Variants in PAM observed in about 807,000 individuals in gnomAD.
The protein encoded by PAM is peptidyl-glycine alpha-amidating monooxygenase.
Under a neutral mutation model 122.1 loss-of-function variants are expected in PAM, and 72 were observed. The observed-to-expected ratio is 0.59, with a 90% CI of 0.49 to 0.72. The LOEUF is 0.72. Ranked by LOEUF, PAM falls within the 30% of genes least tolerant of loss-of-function variation. The pLI is 0.00. For missense variants in PAM, 1,106 were observed against 1,183.7 expected, an observed-to-expected ratio of 0.93 and a Z score of 0.96; for synonymous variants, 389 against 404.4, an observed-to-expected ratio of 0.96 and a Z score of 0.46.
At chr5:102,931,810 C>T (rs1391534048) in intron 7 of PAM, among the ~76,000 whole-genome samples, 2 of 145,286 alleles carry the variant, frequency 1.4e-5, no homozygotes, top group African/African-American at 5.0e-5. Flanking sequence ...ACAACACACT[C>T]TCTCTCTCTC....
At chr5:103,019,040 C>T (rs946840654) in intron 22 of PAM, among the ~76,000 whole-genome samples, 4 of 152,160 alleles carry the variant, frequency 2.6e-5, no homozygotes, top group South Asian at 2.1e-4. Context: ...TCCTGCTGTG[C>T]GTTCCAGTTC....
At chr5:102,887,569 A>G (rs1793530802) in intron 3 of PAM, among the ~76,000 whole-genome samples, 1 of 152,022 alleles carries the variant, frequency 6.6e-6, no homozygotes, top group Non-Finnish European at 1.5e-5. Context: ...AGGCAGTTAG[A>G]CTTCAAAGAA....
At chr5:102,791,384 T>C (rs1762016159) in intron 1 of PAM, among the ~76,000 whole-genome samples, 1 of 152,116 alleles carries the variant, frequency 6.6e-6, no homozygotes, top group Admixed American at 6.5e-5. Context: ...TAGCTTTCTT[T>C]TTTTTAACTG....
rs769725394 is a variant in PAM at position 102,959,979 on chromosome 5, T to C, written c.1010T>C (p.Met337Thr). 1.1e-5 allele frequency: 17 copies of C among 1,612,376 alleles called. No homozygotes were observed. In the South Asian group the frequency reaches 1.4e-4, roughly 14 times the overall value. The change falls in exon 13 of 26, where the codon ATG becomes ACG. Residue 337 changes from methionine (M) to threonine (T), a missense_variant. Physicochemically the swap from Met to Thr is moderately conservative, Grantham distance 81. This residue lies in a region of PAM where 670 missense variants were observed against 690.3 expected (regional missense o/e 0.97). Transcript: ENST00000438793. ...MTCTQNVAPD[M>T]FRTIPPEANI... ...TGTACCCAGAATGTAGCTCCAGATA[T>C]GTTCAGAACCATACCACCAGAGGCC...
chr5:102,876,669 A>G (rs11742729), intron 3 of PAM, among the ~76,000 whole-genome samples: 4,976 of 152,318 alleles, frequency 0.033, 141 homozygotes, highest in Admixed American at 0.085. Context: ...AAAAAGTAGT[A>G]TGTGGGGGCT....
rs1755687393 is a variant in PAM at position 102,942,712 on chromosome 5, G to A, written c.527-4125G>A. 2.0e-5 allele frequency among the ~76,000 whole-genome samples: 3 copies of A among 151,044 alleles called. No homozygotes were observed. In the South Asian group the frequency reaches 6.3e-4, roughly 32 times the overall value. On this transcript the variant is annotated intron_variant, in intron 7 of 25. Coordinates refer to ENST00000438793, the MANE Select transcript of PAM (RefSeq NM_001177306.2). ...ATCCTCACAAGTAGCTGGGGCTACA[G>A]TCACACGCCAGCATGCCCGGCTAAT...
chr5:102,974,780 T>C (rs770388034), intron 15 of PAM: 2 of 178,828 alleles, frequency 1.1e-5, no homozygotes, highest in Non-Finnish European at 2.3e-5. Context: ...TGGAAATACA[T>C]TGAAAATTTA....
At chr5:102,808,519 C>T (rs995436570) in intron 1 of PAM, among the ~76,000 whole-genome samples, 4 of 152,072 alleles carry the variant, frequency 2.6e-5, no homozygotes, top group African/African-American at 9.7e-5. Context: ...TCAAACTATT[C>T]GAAATATGTA....
At chr5:102,929,731 G>T (rs115779713) in intron 7 of PAM, among the ~76,000 whole-genome samples, 279 of 152,288 alleles carry the variant, frequency 1.8e-3, no homozygotes, top group African/African-American at 6.4e-3. Context: ...GAGTATCTGA[G>T]AGAGTATAAC....
chr5:102,794,878 T>A (rs1232509053), intron 1 of PAM, among the ~76,000 whole-genome samples: 1 of 151,562 alleles, frequency 6.6e-6, no homozygotes, highest in Non-Finnish European at 1.5e-5. Context: ...CTCCAAAGAG[T>A]AACAAAAGAA....
chr5:102,982,859 C>T (rs1175741278), intron 15 of PAM, among the ~76,000 whole-genome samples: 1 of 151,922 alleles, frequency 6.6e-6, no homozygotes, highest in Non-Finnish European at 1.5e-5. Flanking sequence ...TCTTCAGCAA[C>T]AGACTCAACA....
chr5:102,932,827 A>G (rs919295519), intron 7 of PAM, among the ~76,000 whole-genome samples: 1 of 151,986 alleles, frequency 6.6e-6, no homozygotes, highest in African/African-American at 2.4e-5. Context: ...AGCCTAGTGA[A>G]TATCAATGAT....
intron 3 of PAM, among the ~76,000 whole-genome samples, chr5:102,893,481 C>T (rs781432961): frequency 6.6e-6 from 1 of 151,650 alleles, no homozygotes; most frequent in Non-Finnish European, 1.5e-5. Context: ...ATATGTAAAA[C>T]CTGAAAACCC....
intron 5 of PAM, among the ~76,000 whole-genome samples, chr5:102,915,955 G>T (rs1414863812): frequency 6.6e-6 from 1 of 151,830 alleles, no homozygotes; most frequent in African/African-American, 2.4e-5. Context: ...TCCACATTGG[G>T]GAATAAGAAG....
intron 7 of PAM, among the ~76,000 whole-genome samples, chr5:102,929,680 A>C (rs1237282446): frequency 1.3e-5 from 2 of 152,172 alleles, no homozygotes; most frequent in Non-Finnish European, 2.9e-5. Flanking sequence ...AGCACCAGAA[A>C]TGAAGGCAAA....
At chr5:102,793,752 GT>G (rs1413321512) in intron 1 of PAM, among the ~76,000 whole-genome samples, 1 of 152,044 alleles carries the variant, frequency 6.6e-6, no homozygotes, top group East Asian at 1.9e-4. Flanking sequence ...AATGCTTTAA[GT>G]AATTATAGCA....
At chr5:102,876,894 G>A (rs537129638) in intron 3 of PAM, among the ~76,000 whole-genome samples, 40 of 152,258 alleles carry the variant, frequency 2.6e-4, no homozygotes, top group Middle Eastern at 6.8e-3. Context: ...CACTTTAAGC[G>A]GAGCTAGAGT....
At chr5:102,826,244 C>G (rs1773557696) in intron 1 of PAM, among the ~76,000 whole-genome samples, 1 of 152,072 alleles carries the variant, frequency 6.6e-6, no homozygotes, top group Non-Finnish European at 1.5e-5. Flanking sequence ...ACTCCATATA[C>G]TTTCTTACAA....
intron 1 of PAM, among the ~76,000 whole-genome samples, chr5:102,761,243 A>T (rs1421833618): frequency 1.3e-5 from 2 of 152,186 alleles, no homozygotes; most frequent in Non-Finnish European, 2.9e-5. Flanking sequence ...AAAACATAAT[A>T]CTTTAAAGTA....
Sources: gnomAD v4.1 joint callset for allele counts (sites outside exome capture counted in the v4.1 genomes callset) on GRCh38, gnomAD v4.1.1 for gene constraint, gnomAD v4.1.1 regional missense constraint, MANE v1.5 for transcripts, NCBI Gene and HGNC (gene_info 2026-07-23, HGNC 2026-07-21) for gene names.